The following PDE4D variants were observed in gnomAD, a reference collection of about 807,000 sequenced individuals.
The protein encoded by PDE4D is phosphodiesterase 4D.
A neutral mutation model predicts 87.4 loss-of-function variants in PDE4D; 24 were observed. The observed-to-expected ratio is 0.27, with a 90% CI of 0.20 to 0.39. The LOEUF is 0.39. Among genes scored for constraint, PDE4D ranks in the 10% least tolerant of loss-of-function variants. The pLI is 1.00. For synonymous variants in PDE4D, 384 were observed against 383.2 expected, an observed-to-expected ratio of 1.00 and a Z score of -0.02; for missense variants, 714 against 1,041.0, an observed-to-expected ratio of 0.69 and a Z score of 4.32.
In PDE4D at chr5:59,110,739, G is replaced by A. The variant is rs186876390; in HGVS notation, c.808+69856C>T. Among the ~76,000 whole-genome samples the A allele has an allele frequency of 9.9e-5, 15 of 152,272 alleles. No individual in the cohort carries two copies. The East Asian group carries it at 2.9e-3, about 29-fold the overall frequency. On this transcript the variant is annotated intron_variant, in intron 5 of 14. Coordinates refer to ENST00000340635, the MANE Select transcript of PDE4D (RefSeq NM_001104631.2). ...ATACAAAAATTAGCCAGGCATGGTG[G>A]TGCATGCCTGTAGTCCCAGCTACTT...
At chr5:60,079,226 T>G (rs1292567681) in intron 2 of PDE4D, among the ~76,000 whole-genome samples, 1 of 152,214 alleles carries the variant, frequency 6.6e-6, no homozygotes, top group East Asian at 1.9e-4. Flanking sequence ...TACTTTTTGA[T>G]GGAGTTGTTT....
chr5:60,378,776 C>T (rs915158613), intron 1 of PDE4D, among the ~76,000 whole-genome samples: 7 of 151,882 alleles, frequency 4.6e-5, no homozygotes, highest in African/African-American at 1.7e-4. Flanking sequence ...TCACTTGAAC[C>T]CGGAAGGCAG....
intron 1 of PDE4D, among the ~76,000 whole-genome samples, chr5:59,627,328 G>A (rs923487684): frequency 2.0e-5 from 3 of 152,164 alleles, no homozygotes; most frequent in Admixed American, 1.3e-4. Context: ...TTTTGTCACT[G>A]TTCAAAGATT....
At chr5:59,674,408 T>C (rs1747728389) in intron 1 of PDE4D, among the ~76,000 whole-genome samples, 1 of 152,214 alleles carries the variant, frequency 6.6e-6, no homozygotes, top group Non-Finnish European at 1.5e-5. Flanking sequence ...ATGCCTAGCA[T>C]GTCATAGGAA....
intron 1 of PDE4D, among the ~76,000 whole-genome samples, chr5:59,552,503 A>G (rs1818286073): frequency 6.6e-6 from 1 of 151,686 alleles, no homozygotes; most frequent in South Asian, 2.1e-4. Context: ...TACAAATATT[A>G]TGTTACGTCT....
At chr5:59,062,585 TTC>T (rs1763286031) in intron 5 of PDE4D, among the ~76,000 whole-genome samples, 1 of 152,112 alleles carries the variant, frequency 6.6e-6, no homozygotes, top group Admixed American at 6.6e-5. Context: ...GTGTGCAGTT[TTC>T]TCTCAGGTGG....
intron 1 of PDE4D, among the ~76,000 whole-genome samples, chr5:59,222,176 C>T (rs890450340): frequency 6.6e-6 from 1 of 152,188 alleles, no homozygotes; most frequent in African/African-American, 2.4e-5. Flanking sequence ...AGTGGAATTA[C>T]TGGATGGTAA....
intron 1 of PDE4D, among the ~76,000 whole-genome samples, chr5:60,233,457 A>G (rs749261992): frequency 6.6e-6 from 1 of 151,824 alleles, no homozygotes; most frequent in Non-Finnish European, 1.5e-5. Flanking sequence ...CAATTTCAAA[A>G]AATATTTTTA....
At chr5:59,670,096 A>G (rs1451910285) in intron 1 of PDE4D, among the ~76,000 whole-genome samples, 1 of 152,216 alleles carries the variant, frequency 6.6e-6, no homozygotes, top group African/African-American at 2.4e-5. Flanking sequence ...GATAGAATGT[A>G]ACATAGCATT....
At chr5:59,139,236 G>C (rs140164148) in intron 5 of PDE4D, among the ~76,000 whole-genome samples, 1 of 152,158 alleles carries the variant, frequency 6.6e-6, no homozygotes, top group Admixed American at 6.5e-5. Context: ...TTTTGTGCCA[G>C]GCTTTTTATG....
intron 1 of PDE4D, among the ~76,000 whole-genome samples, chr5:59,580,503 C>G (rs1319138318): frequency 6.6e-6 from 1 of 151,982 alleles, no homozygotes; most frequent in African/African-American, 2.4e-5. Flanking sequence ...GTCTTTCTGT[C>G]TTGCCCAGGC....
At chr5:60,204,856 G>T (rs1742317019) in intron 1 of PDE4D, among the ~76,000 whole-genome samples, 2 of 152,160 alleles carry the variant, frequency 1.3e-5, no homozygotes, top group African/African-American at 4.8e-5. Flanking sequence ...ACCTTACTGG[G>T]ACTCAGTTTA....
chr5:59,858,914 C>G (rs1202431661), intron 1 of PDE4D, among the ~76,000 whole-genome samples: 1 of 152,158 alleles, frequency 6.6e-6, no homozygotes, highest in Non-Finnish European at 1.5e-5. Flanking sequence ...ACAAGAGACT[C>G]TCACGGAGGA....
chr5:59,360,505 T>A (rs893009026), intron 1 of PDE4D, among the ~76,000 whole-genome samples: 3 of 152,150 alleles, frequency 2.0e-5, no homozygotes, highest in South Asian at 2.1e-4. Flanking sequence ...GAATGATACA[T>A]TGCAAAAGAG....
At chr5:60,473,190 GAAAA>G (rs1747986058) in intron 1 of PDE4D, among the ~76,000 whole-genome samples, 1 of 130,520 alleles carries the variant, frequency 7.7e-6, no homozygotes, top group Non-Finnish European at 1.7e-5. Context: ...GAAAAAGAAA[GAAAA>G]AAGAAAGAAA....
At chr5:59,540,542 A>G (rs1816142867) in intron 1 of PDE4D, among the ~76,000 whole-genome samples, 1 of 152,186 alleles carries the variant, frequency 6.6e-6, no homozygotes, top group Non-Finnish European at 1.5e-5. Flanking sequence ...CACAAGGAGC[A>G]GGAGCCATTT....
At chr5:60,154,344 T>C (rs1781777067) in intron 2 of PDE4D, among the ~76,000 whole-genome samples, 1 of 152,150 alleles carries the variant, frequency 6.6e-6, no homozygotes, top group African/African-American at 2.4e-5. Context: ...TGGCACCATC[T>C]TGGCTCACTG....
At chr5:59,156,854 G>T (rs1185151045) in intron 5 of PDE4D, among the ~76,000 whole-genome samples, 1 of 152,080 alleles carries the variant, frequency 6.6e-6, no homozygotes, top group South Asian at 2.1e-4. Flanking sequence ...AACGAATAGA[G>T]ATTTCTTGGA....
At position 59,397,182 on chromosome 5, in the gene PDE4D, G is replaced by A. The variant is rs1409376180; in HGVS notation, c.456-181214C>T. Among the ~76,000 whole-genome samples, 23 of 116,444 alleles carry A rather than the reference G, an allele frequency of 2.0e-4. 5 individuals carry two copies. Among genetic ancestry groups the A allele is most frequent in the African/African-American group, 7.0e-4 (20 of 28,760 alleles). The allele number at this position is 116,444 out of a possible 152,430, so 76.4% of individuals were successfully genotyped here. On this transcript the variant is annotated intron_variant, in intron 1 of 14. Transcript: ENST00000340635. ...ATTAGACAGATCAACGAGACAGAAA[G>A]TCAACAAGGATACCCAGGAATTGAA...
Sources: gnomAD v4.1 joint callset for allele counts (sites outside exome capture counted in the v4.1 genomes callset) on GRCh38, gnomAD v4.1.1 for gene constraint, MANE v1.5 for transcripts, NCBI Gene and HGNC (gene_info 2026-07-23, HGNC 2026-07-21) for gene names.